KIDINS220: variants seen among roughly 807,000 people sequenced by gnomAD.
KIDINS220 encodes kinase D-interacting substrate of 220 kDa.
Under a neutral mutation model 157.6 loss-of-function variants are expected in KIDINS220, and 63 were observed. The ratio of observed to expected loss-of-function variants is 0.40; its 90% CI spans 0.33 to 0.49. The LOEUF (loss-of-function observed/expected upper bound fraction) is 0.49. Among genes scored for constraint, KIDINS220 ranks in the 20% least tolerant of loss-of-function variants. The pLI, the probability that KIDINS220 is intolerant of heterozygous loss-of-function variation, is 0.66. For synonymous variants in KIDINS220, 732 were observed against 783.6 expected (o/e 0.93, Z 1.10); for missense variants, 1,772 against 2,171.2 (o/e 0.82, Z 3.65).
intron 2 of KIDINS220, among the ~76,000 whole-genome samples, chr2:8,819,865 C>T (rs1269952694): frequency 1.3e-5 from 2 of 151,880 alleles, no homozygotes; most frequent in Admixed American, 1.3e-4. Flanking sequence ...AAGGAAGTAC[C>T]AGGTTAAAGA....
At chr2:8,769,443 C>A (rs1268678648) in intron 22 of KIDINS220, among the ~76,000 whole-genome samples, 2 of 152,126 alleles carry the variant, frequency 1.3e-5, no homozygotes, top group African/African-American at 4.8e-5. Flanking sequence ...AAGGCTTATT[C>A]TTTTTTATGA....
chr2:8,785,674 C>G, intron 17 of KIDINS220, 67 bp downstream of exon 17: 1 of 1,360,584 alleles, frequency 7.3e-7, no homozygotes, highest in Non-Finnish European at 1.0e-6. Context: ...TTCCTAAAGC[C>G]CAAATGAGCA....
chr2:8,741,822 C>T (rs1383304299), intron 26 of KIDINS220, among the ~76,000 whole-genome samples: 1 of 152,162 alleles, frequency 6.6e-6, no homozygotes, highest in African/African-American at 2.4e-5. Context: ...TTTCACTATA[C>T]TTTAATAAGA....
intron 26 of KIDINS220, chr2:8,740,262 C>G: frequency 1.6e-6 from 1 of 610,304 alleles, no homozygotes; most frequent in Non-Finnish European, 2.1e-6. Context: ...AAATGTCTAA[C>G]ATACACAGGC....
Position 8,828,548 on chromosome 2 carries a change from C to T in KIDINS220, c.-36-1419G>A, listed in dbSNP as rs145662676. ...AATAAACCTCAATCCATACTTTGTA[C>T]CACATACAGGTGCTAACTCAAAATT... On this transcript the variant is annotated intron_variant, in intron 1 of 29. Coordinates refer to ENST00000256707, the MANE Select transcript of KIDINS220 (RefSeq NM_020738.4). Among the ~76,000 whole-genome samples, 79 of 152,288 alleles carry T rather than the reference C, an allele frequency of 5.2e-4. 1 individual carries two copies. The highest frequency in any genetic ancestry group is 1.8e-3 in the African/African-American group (75 of 41,542).
chr2:8,828,903 A>G (rs541977424), intron 1 of KIDINS220, among the ~76,000 whole-genome samples: 12 of 152,294 alleles, frequency 7.9e-5, no homozygotes, highest in African/African-American at 2.9e-4. Flanking sequence ...ATGCCTCTGG[A>G]TGGACTACAC....
Position 8,728,930 on chromosome 2 carries a change from A to G in KIDINS220, c.*1790T>C, listed in dbSNP as rs779624087. 1 of 971,922 alleles carries G rather than the reference A, an allele frequency of 1.0e-6. No homozygotes were observed. Among genetic ancestry groups the G allele is most frequent in the Non-Finnish European group, 1.2e-6 (1 of 817,214 alleles). 60.2% of individuals were successfully genotyped at this position (971,922 alleles called of 1,614,324 possible). Reference sequence around the variant, plus strand: ...TGAATAAAAATTCATGAGTCAGAATAGCATGCAATTTTTTATTGTTTTCTA... The same window carrying G: ...TGAATAAAAATTCATGAGTCAGAATGGCATGCAATTTTTTATTGTTTTCTA... On this transcript the variant is annotated 3_prime_UTR_variant, in exon 30 of 30. Coordinates refer to ENST00000256707, the MANE Select transcript of KIDINS220 (RefSeq NM_020738.4).
At position 8,792,503 on chromosome 2, in the gene KIDINS220, G is replaced by T. The variant is rs575765184; in HGVS notation, c.1277-1279C>A. ...ATATTACACATTATCTAAGCCAAAA[G>T]GCTGAGAAGCAATAGCCTATGAATA... is the stretch of plus-strand genomic sequence containing the variant. On this transcript the variant is annotated intron_variant, in intron 12 of 29. Coordinates refer to ENST00000256707, the MANE Select transcript of KIDINS220 (RefSeq NM_020738.4). Among the ~76,000 whole-genome samples, 7 of 152,274 alleles carry T rather than the reference G, an allele frequency of 4.6e-5. No homozygotes were observed. In the East Asian group the frequency reaches 1.4e-3, roughly 29 times the overall value.
Position 8,770,668 on chromosome 2 carries a change from A to T in KIDINS220, c.3011+2T>A. 6.4e-7 allele frequency: 1 copy of T among 1,567,682 alleles called. No individual in the cohort carries two copies. Among genetic ancestry groups the T allele is most frequent in the Non-Finnish European group, 8.7e-7 (1 of 1,154,310 alleles). ...AAAATACAAAGAGGTCACAAAAGGT[A>T]CCTTTCGTAGATGGTTTTTAATGTC... On this transcript the variant is annotated splice_donor_variant, in intron 22 of 29. Coordinates refer to ENST00000256707, the MANE Select transcript of KIDINS220 (RefSeq NM_020738.4). LOFTEE classifies it high-confidence loss of function.
At chr2:8,810,994 C>T (rs66749483) in intron 6 of KIDINS220, among the ~76,000 whole-genome samples, 29,591 of 152,010 alleles carry the variant, frequency 0.19, 2,987 homozygotes, top group Middle Eastern at 0.27. Flanking sequence ...GCACAAAGTG[C>T]GAAAAATATA....
At chr2:8,723,939 GT>G (rs1466273273), downstream of KIDINS220, 3 of 152,196 alleles carry the variant, frequency 2.0e-5, no homozygotes, top group Non-Finnish European at 4.4e-5. Context: ...CCCTGGGAGG[GT>G]TTTTTCCCCC....
At chr2:8,733,347 C>T in intron 29 of KIDINS220, 97 bp downstream of exon 29, 2 of 1,040,036 alleles carry the variant, frequency 1.9e-6, no homozygotes, top group Admixed American at 3.9e-5. Context: ...ATTCAGTAAG[C>T]ATTTTCTGAA....
chr2:8,732,765 GCTGCC>G lies in KIDINS220; in HGVS notation c.4053+674_4053+678del, dbSNP rs1449500667. Among the ~76,000 whole-genome samples the G allele has an allele frequency of 3.3e-5, 5 of 152,170 alleles. No homozygotes were observed. The East Asian group carries it at 7.7e-4, about 24-fold the overall frequency. On this transcript the variant is annotated intron_variant, in intron 29 of 29. Transcript: ENST00000256707. ...CCCCAAGGCGCTGCTCCTCCTCACC[GCTGCC>G]CTGCCCTGCCCACTCAGTGTTACTC...
intron 27 of KIDINS220, among the ~76,000 whole-genome samples, chr2:8,735,279 C>A (rs1664708077): frequency 6.6e-6 from 1 of 152,198 alleles, no homozygotes; most frequent in Non-Finnish European, 1.5e-5. Context: ...CGCATGTAAT[C>A]CCAGAACTTT....
intron 24 of KIDINS220, 27 bp downstream of exon 24, chr2:8,750,085 A>C (rs1367418761): frequency 6.3e-7 from 1 of 1,590,408 alleles, no homozygotes; most frequent in Admixed American, 1.7e-5. Context: ...AAATTCTTAA[A>C]AATAAAGCTG....
chr2:8,834,423 CCGTGTATAAATGGTGTATACCATTTATA>C (rs143151676), intron 1 of KIDINS220, among the ~76,000 whole-genome samples: 3 of 151,772 alleles, frequency 2.0e-5, no homozygotes, highest in Admixed American at 6.6e-5. Flanking sequence ...TCTCTGACCA[CCGTGTATAAATGGTGTATACCATTTATA>C]CGTGTATAAA....
At chr2:8,781,615 A>G (rs1308384033) in intron 17 of KIDINS220, among the ~76,000 whole-genome samples, 1 of 152,210 alleles carries the variant, frequency 6.6e-6, no homozygotes, top group Non-Finnish European at 1.5e-5. Context: ...CAGAACGATA[A>G]TTGGAAAATC....
intron 1 of KIDINS220, among the ~76,000 whole-genome samples, chr2:8,835,911 A>G (rs1680321518): frequency 6.6e-6 from 1 of 152,170 alleles, no homozygotes; most frequent in Non-Finnish European, 1.5e-5. Context: ...ATAAAAATTA[A>G]TCTGGCAGTG....
intron 13 of KIDINS220, among the ~76,000 whole-genome samples, 191 bp downstream of exon 13, chr2:8,790,869 C>G (rs1338716760): frequency 6.6e-6 from 1 of 152,108 alleles, no homozygotes; most frequent in Non-Finnish European, 1.5e-5. Flanking sequence ...GTGGGGTTAT[C>G]ACACAATTGG....
Sources: allele counts gnomAD v4.1 joint callset (sites outside exome capture counted in the v4.1 genomes callset), GRCh38; gene constraint gnomAD v4.1.1; transcripts MANE v1.5; gene names NCBI Gene and HGNC (gene_info 2026-07-23, HGNC 2026-07-21).